ENOX2: variants seen among roughly 807,000 people sequenced by gnomAD.
ENOX2 encodes APK1 antigen.
ENOX2 carries 36 observed loss-of-function variants against 45.0 expected under a neutral mutation model. The ratio of observed to expected loss-of-function variants is 0.80; its 90% CI spans 0.61 to 1.06. The LOEUF (loss-of-function observed/expected upper bound fraction) is 1.06. Ranked by LOEUF, ENOX2 falls within the 50% of genes least tolerant of loss-of-function variation. The pLI is 0.00. For missense variants in ENOX2, 423 were observed against 462.5 expected (o/e 0.91, Z 0.78); for synonymous variants, 174 against 152.3 (o/e 1.14, Z -1.05).
At chrX:130,682,516 G>A (rs1369078019) in intron 5 of ENOX2, among the ~76,000 whole-genome samples, 4 of 99,001 alleles carry the variant, frequency 4.0e-5, no homozygotes, top group African/African-American at 1.1e-4. Context: ...CCTGGGAGGC[G>A]GAGCTTGCAG....
Position 130,791,125 on chromosome X carries a change from C to T in ENOX2, c.-182-7435G>A, listed in dbSNP as rs1380674207. Among the ~76,000 whole-genome samples the T allele has an allele frequency of 7.2e-5, 8 of 111,326 alleles. No homozygotes were observed. In the Admixed American group the frequency reaches 7.6e-4, roughly 11 times the overall value. On this transcript the variant is annotated intron_variant, in intron 2 of 14. Transcript: ENST00000394363. ...AGGCATGAGTCGCCGTACCTGGCCT[C>T]AGGATTTTTTTATTATAAAATACTA...
intron 2 of ENOX2, among the ~76,000 whole-genome samples, chrX:130,896,580 A>C (rs779335823): frequency 2.4e-4 from 27 of 112,064 alleles, no homozygotes; most frequent in African/African-American, 7.5e-4. Context: ...GCAGTGCCTA[A>C]CGGAGTGCTT....
At chrX:130,725,690 A>G (rs1234559091) in intron 3 of ENOX2, among the ~76,000 whole-genome samples, 1 of 110,652 alleles carries the variant, frequency 9.0e-6, no homozygotes, top group Non-Finnish European at 1.9e-5. Flanking sequence ...TGTCTTTGCC[A>G]TCTAGTGTTA....
In ENOX2 at chrX:130,731,868, C is replaced by T. The variant is rs2038745719; in HGVS notation, c.-38-28614G>A. On this transcript the variant is annotated intron_variant, in intron 3 of 14. Transcript: ENST00000394363. ...GAAAGGACCTCAGCATAATAAAGGT[C>T]ATATGTGACAAGCCCACAACTATAT... 2.7e-5 allele frequency among the ~76,000 whole-genome samples: 3 copies of T among 111,558 alleles called. No homozygotes were observed. In the South Asian group the frequency reaches 1.1e-3, roughly 43 times the overall value.
intron 5 of ENOX2, among the ~76,000 whole-genome samples, chrX:130,681,375 G>A (rs1307730373): frequency 5.4e-5 from 6 of 111,736 alleles, no homozygotes; most frequent in Non-Finnish European, 1.1e-4. Flanking sequence ...TTAGTCTGGG[G>A]TGCAGCCTGT....
chrX:130,801,601 G>A (rs2077218246), intron 2 of ENOX2, among the ~76,000 whole-genome samples: 1 of 111,616 alleles, frequency 9.0e-6, no homozygotes, highest in African/African-American at 3.3e-5. Context: ...TTCATTTGGA[G>A]CATAACTTTA....
intron 10 of ENOX2, among the ~76,000 whole-genome samples, chrX:130,642,397 T>C (rs1264245894): frequency 8.9e-6 from 1 of 111,976 alleles, no homozygotes; most frequent in Non-Finnish European, 1.9e-5. Flanking sequence ...GCAAAGAAAA[T>C]GGTTTCTTGA....
In ENOX2 at chrX:130,667,752, AT is replaced by A; in HGVS notation, c.695-11del. On this transcript the variant is annotated splice_polypyrimidine_tract_variant and intron_variant, in intron 7 of 14. Coordinates refer to ENST00000394363, the MANE Select transcript of ENOX2 (RefSeq NM_006375.4). ...GAGAATTTGGAATCATCTGAAAAAAATATATTTTTATAACCAACAAAGGTAA... is the reference window on the plus strand; with the variant it reads ...GAGAATTTGGAATCATCTGAAAAAAAATATTTTTATAACCAACAAAGGTAA... The A allele has an allele frequency of 8.6e-7, 1 of 1,159,541 alleles. No individual in the cohort carries two copies. The highest frequency in any genetic ancestry group is 1.2e-6 in the Non-Finnish European group (1 of 852,988).
intron 2 of ENOX2, among the ~76,000 whole-genome samples, chrX:130,860,726 G>C (rs139289781): frequency 9.0e-5 from 10 of 111,411 alleles, no homozygotes; most frequent in Non-Finnish European, 1.3e-4. Flanking sequence ...CTCTTGCTTA[G>C]ATTACTGAAG....
At chrX:130,853,266 A>T (rs1337592068) in intron 2 of ENOX2, among the ~76,000 whole-genome samples, 1 of 108,896 alleles carries the variant, frequency 9.2e-6, no homozygotes, top group Non-Finnish European at 1.9e-5. Flanking sequence ...TCACGAGGTC[A>T]GGAGATGAGA....
At chrX:130,878,725 C>G (rs963277602) in intron 2 of ENOX2, among the ~76,000 whole-genome samples, 2 of 112,017 alleles carry the variant, frequency 1.8e-5, no homozygotes, top group African/African-American at 6.5e-5. Flanking sequence ...CTACTATGCT[C>G]TAAGTTATTT....
chrX:130,767,290 ATTGTT>A (rs1347257977), intron 3 of ENOX2, among the ~76,000 whole-genome samples: 1 of 111,898 alleles, frequency 8.9e-6, no homozygotes. Flanking sequence ...AGGAACATAT[ATTGTT>A]TTATTTACTG....
At chrX:130,662,402 T>C (rs769890892) in intron 9 of ENOX2, among the ~76,000 whole-genome samples, 8 of 112,058 alleles carry the variant, frequency 7.1e-5, no homozygotes, top group African/African-American at 1.3e-4. Flanking sequence ...CTTTGTGACA[T>C]GAGGAGGTCA....
At chrX:130,825,325 C>T (rs1477563104) in intron 2 of ENOX2, among the ~76,000 whole-genome samples, 3 of 111,225 alleles carry the variant, frequency 2.7e-5, no homozygotes, top group Admixed American at 9.6e-5. Context: ...TAAATTCATA[C>T]ATGTGTACAA....
intron 2 of ENOX2, among the ~76,000 whole-genome samples, chrX:130,822,640 G>C (rs1299995875): frequency 1.8e-5 from 2 of 110,291 alleles, no homozygotes; most frequent in East Asian, 2.8e-4. Flanking sequence ...GGTAGGGGGA[G>C]GGGGAAGGGA....
intron 2 of ENOX2, among the ~76,000 whole-genome samples, chrX:130,798,342 G>A (rs2077167700): frequency 8.9e-6 from 1 of 112,732 alleles, no homozygotes. Flanking sequence ...GTTCTAAATA[G>A]TTTTCTAATT....
chrX:130,846,893 C>A (rs368789969), intron 2 of ENOX2, among the ~76,000 whole-genome samples: 10 of 111,976 alleles, frequency 8.9e-5, no homozygotes, highest in African/African-American at 3.2e-4. Flanking sequence ...ACTTCATAAG[C>A]AGAAAGCTGA....
At chrX:130,787,587 G>A (rs1251224320) in intron 2 of ENOX2, among the ~76,000 whole-genome samples, 1 of 110,307 alleles carries the variant, frequency 9.1e-6, no homozygotes, top group Non-Finnish European at 1.9e-5. Flanking sequence ...AGGAATCCAG[G>A]GGAAAAAAAA....
Position 130,900,061 on chromosome X carries a change from C to T in ENOX2, c.-183+1623G>A, listed in dbSNP as rs755709062. On this transcript the variant is annotated intron_variant, in intron 2 of 14. Transcript: ENST00000394363. ...AGTAGCAGCCTCATCATATCCACCT[C>T]CACTGTATCCTTCCCACTGTCATTT... Among the ~76,000 whole-genome samples the T allele has an allele frequency of 2.7e-5, 3 of 112,085 alleles. No individual in the cohort carries two copies. The South Asian group carries it at 1.1e-3, about 42-fold the overall frequency.
Sources: allele counts gnomAD v4.1 joint callset (sites outside exome capture counted in the v4.1 genomes callset), GRCh38; gene constraint gnomAD v4.1.1; transcripts MANE v1.5; gene names NCBI Gene and HGNC (gene_info 2026-07-23, HGNC 2026-07-21).